STN1: variants seen among roughly 807,000 people sequenced by gnomAD.
STN1 encodes STN1 subunit of CST complex.
STN1 carries 29 observed loss-of-function variants against 45.5 expected under a neutral mutation model. That is an observed-to-expected ratio of 0.64 (90% CI 0.47 to 0.87). STN1 has a LOEUF of 0.87. Ranked by LOEUF, STN1 falls within the 40% of genes least tolerant of loss-of-function variation. The pLI, the probability that STN1 is intolerant of heterozygous loss-of-function variation, is 0.00. For missense variants in STN1, 376 were observed against 441.4 expected (o/e 0.85, Z 1.33); for synonymous variants, 148 against 159.0 (o/e 0.93, Z 0.52).
intron 2 of STN1, 112 bp downstream of exon 2, chr10:103,917,350 A>G: frequency 1.0e-6 from 1 of 990,854 alleles, no homozygotes. Flanking sequence ...GGTCCCTTTC[A>G]AAGCCTGCAG....
At chr10:103,884,176 C>T (rs1411180447) in intron 9 of STN1, among the ~76,000 whole-genome samples, 1 of 151,734 alleles carries the variant, frequency 6.6e-6, no homozygotes. Flanking sequence ...ATCTGTGCTC[C>T]CCAGCTGCAA....
In STN1 at chr10:103,882,599, A is replaced by G. The variant is rs760484031; in HGVS notation, c.*85T>C. ...TGAGGTAACTGCCTCCAGACAGATA[A>G]GCCCCTGCATGATGCTGAAAGTCAG... On this transcript the variant is annotated 3_prime_UTR_variant, in exon 10 of 10. Coordinates refer to ENST00000224950, the MANE Select transcript of STN1 (RefSeq NM_024928.5). 7.2e-6 allele frequency: 10 copies of G among 1,379,628 alleles called. No homozygotes were observed. The highest frequency in any genetic ancestry group is 9.9e-6 in the Non-Finnish European group (10 of 1,014,764). The allele number at this position is 1,379,628 out of a possible 1,614,324, so 85.5% of individuals were successfully genotyped here.
In STN1 at chr10:103,909,365, A is replaced by AT. The variant is rs61445250; in HGVS notation, c.229+1161_229+1162insA. 8.5e-3 allele frequency among the ~76,000 whole-genome samples: 626 copies of AT among 73,736 alleles called. 25 individuals carry two copies. The highest frequency in any genetic ancestry group is 0.031 in the South Asian group (78 of 2,522). 48.4% of individuals were successfully genotyped at this position (73,736 alleles called of 152,430 possible). ...ATCCTTTTCAGAATCAAAAAAAAAAAATATATATATATATGTATATATATG... is the reference window on the plus strand; with the variant it reads ...ATCCTTTTCAGAATCAAAAAAAAAAATATATATATATATATGTATATATATG... On this transcript the variant is annotated intron_variant, in intron 3 of 9. Transcript: ENST00000224950.
At chr10:103,899,738 G>A (rs959873498) in intron 5 of STN1, among the ~76,000 whole-genome samples, 1 of 152,024 alleles carries the variant, frequency 6.6e-6, no homozygotes, top group African/African-American at 2.4e-5. Flanking sequence ...TTATTTTGAA[G>A]AATATTCATA....
intron 2 of STN1, among the ~76,000 whole-genome samples, chr10:103,912,633 G>A (rs1843299316): frequency 6.6e-6 from 1 of 152,258 alleles, no homozygotes; most frequent in Admixed American, 6.5e-5. Flanking sequence ...CCTGTGTGCA[G>A]AGCAGGGCTG....
intron 9 of STN1, among the ~76,000 whole-genome samples, chr10:103,885,069 TGGGACAAAGTCACTCCC>T (rs1268410955): frequency 2.0e-5 from 3 of 152,110 alleles, no homozygotes; most frequent in Non-Finnish European, 4.4e-5. Flanking sequence ...GCTCTACAAC[TGGGACAAAGTCACTCCC>T]GGGAACAAAA....
At chr10:103,904,315 A>T (rs1284189511) in intron 4 of STN1, among the ~76,000 whole-genome samples, 4 of 152,100 alleles carry the variant, frequency 2.6e-5, no homozygotes, top group South Asian at 2.1e-4. Flanking sequence ...AACTTAAATT[A>T]AAAAATATCT....
At chr10:103,914,374 A>ATATTTTT (rs1554837551) in intron 2 of STN1, among the ~76,000 whole-genome samples, 13 of 97,416 alleles carry the variant, frequency 1.3e-4, no homozygotes, top group African/African-American at 6.4e-4. Flanking sequence ...ATATATATAT[A>ATATTTTT]TTTTTTTTTT....
intron 9 of STN1, among the ~76,000 whole-genome samples, chr10:103,883,831 T>C (rs1422971149): frequency 1.3e-5 from 2 of 152,144 alleles, no homozygotes; most frequent in African/African-American, 4.8e-5. Context: ...GGCTCACGCC[T>C]ATAATCCCAG....
At chr10:103,894,661 C>T (rs1278803294) in intron 7 of STN1, among the ~76,000 whole-genome samples, 1 of 142,198 alleles carries the variant, frequency 7.0e-6, no homozygotes, top group South Asian at 2.2e-4. Context: ...ACAGACTCAT[C>T]AGATTTAGGA....
At position 103,892,000 on chromosome 10, in the gene STN1, C is replaced by T. The variant is rs139044036; in HGVS notation, c.876+130G>A. The T allele has an allele frequency of 1.5e-3, 1,154 of 765,610 alleles. 9 individuals carry two copies. In the African/African-American group the frequency reaches 0.018, roughly 12 times the overall value. 47.4% of individuals were successfully genotyped at this position (765,610 alleles called of 1,614,324 possible). A position where few individuals can be genotyped will look rare whatever the true frequency, so the allele number is the denominator to read the frequency against. On this transcript the variant is annotated intron_variant, in intron 8 of 9. Transcript: ENST00000224950. ...GAGATACCTCGGGGAAGGATAAGGGCCAACTTTCACTTCTGATTTTATGTA... is the reference window on the plus strand; with the variant it reads ...GAGATACCTCGGGGAAGGATAAGGGTCAACTTTCACTTCTGATTTTATGTA...
chr10:103,889,208 G>A (rs1843122851), intron 8 of STN1, 64 bp from the exon 9 acceptor site: 1 of 1,017,374 alleles, frequency 9.8e-7, no homozygotes, highest in African/African-American at 1.6e-5. Context: ...GTGTCATCCA[G>A]ACTTCCAAAT....
At chr10:103,893,303 G>A (rs1336917690) in intron 7 of STN1, among the ~76,000 whole-genome samples, 1 of 151,974 alleles carries the variant, frequency 6.6e-6, no homozygotes, top group African/African-American at 2.4e-5. Context: ...CGAGTAGCTG[G>A]GACTACAGGC....
At chr10:103,908,704 T>C (rs1256056835) in intron 3 of STN1, among the ~76,000 whole-genome samples, 1 of 152,138 alleles carries the variant, frequency 6.6e-6, no homozygotes, top group Non-Finnish European at 1.5e-5. Context: ...CAGAGGGAAA[T>C]GCTTACTGGA....
At chr10:103,884,089 CAAAAAAAAAAAAAA>C (rs35521096) in intron 9 of STN1, among the ~76,000 whole-genome samples, 1 of 49,778 alleles carries the variant, frequency 2.0e-5, no homozygotes, top group South Asian at 1.1e-3. Context: ...GACTCCATCT[CAAAAAAAAAAAAAA>C]AAAAAAAAAA....
At position 103,910,444 on chromosome 10, in the gene STN1, G is replaced by A. The variant is rs908388629; in HGVS notation, c.229+83C>T. On this transcript the variant is annotated intron_variant, in intron 3 of 9. Transcript: ENST00000224950. ...GTGAGGGTCCCCAGCTACTCTAAAT[G>A]GCTGGGGCTGCTGAAATCCAACTTT... 12 of 872,772 alleles carry A rather than the reference G, an allele frequency of 1.4e-5. No individual in the cohort carries two copies. The African/African-American group carries it at 1.8e-4, about 13-fold the overall frequency. The allele number at this position is 872,772 out of a possible 1,614,324, so 54.1% of individuals were successfully genotyped here. A position where few individuals can be genotyped will look rare whatever the true frequency, so the allele number is the denominator to read the frequency against.
intron 7 of STN1, among the ~76,000 whole-genome samples, chr10:103,895,314 CAA>C (rs1167865159): frequency 1.3e-5 from 2 of 152,314 alleles, no homozygotes; most frequent in Non-Finnish European, 1.5e-5. Flanking sequence ...TTTTAGTCCT[CAA>C]AGAGTCCTTA....
chr10:103,889,598 C>T (rs969527848), intron 8 of STN1, among the ~76,000 whole-genome samples: 1 of 149,078 alleles, frequency 6.7e-6, no homozygotes, highest in Non-Finnish European at 1.5e-5. Context: ...AAAAAAAAAA[C>T]CCTGCAAGGA....
At chr10:103,883,212 G>C (rs1001662176) in intron 9 of STN1, among the ~76,000 whole-genome samples, 2 of 152,072 alleles carry the variant, frequency 1.3e-5, no homozygotes, top group African/African-American at 4.8e-5. Flanking sequence ...GTTTCTCAGG[G>C]AGGAGCCCTC....
Sources: allele counts gnomAD v4.1 joint callset (sites outside exome capture counted in the v4.1 genomes callset), GRCh38; gene constraint gnomAD v4.1.1; transcripts MANE v1.5; gene names NCBI Gene and HGNC (gene_info 2026-07-23, HGNC 2026-07-21).